MBNL1: variants seen among roughly 807,000 people sequenced by gnomAD.
MBNL1 encodes muscleblind like splicing regulator 1.
A neutral mutation model predicts 42.2 loss-of-function variants in MBNL1; 8 were observed. That is an observed-to-expected ratio of 0.19 (90% CI 0.11 to 0.34). The LOEUF (loss-of-function observed/expected upper bound fraction) is 0.34, where lower values mean the gene tolerates loss of function less well. MBNL1 is among the 10% of genes least tolerant of loss of function. The pLI is 1.00. For synonymous variants in MBNL1, 169 were observed against 173.9 expected (o/e 0.97, Z 0.22); for missense variants, 309 against 495.3 (o/e 0.62, Z 3.57).
At position 152,302,127 on chromosome 3, in the gene MBNL1, A is replaced by G. The variant is rs564441426; in HGVS notation, c.174+1760A>G. ...CAGTCCCTTTTTGAGTAAAGCAGCA[A>G]GGTTGCTTAATGACATGCTATGTGG... On this transcript the variant is annotated intron_variant, in intron 2 of 9. Coordinates refer to ENST00000324210, the MANE Select transcript of MBNL1 (RefSeq NM_021038.5). 2.6e-5 allele frequency: 4 copies of G among 152,320 alleles called. No homozygotes were observed. In the East Asian group the frequency reaches 7.7e-4, roughly 29 times the overall value. The allele number at this position is 152,320 out of a possible 1,614,324, so 9.4% of individuals were successfully genotyped here. A position where few individuals can be genotyped will look rare whatever the true frequency, so the allele number is the denominator to read the frequency against.
At chr3:152,317,106 T>C (rs539781243) in intron 2 of MBNL1, among the ~76,000 whole-genome samples, 1 of 152,110 alleles carries the variant, frequency 6.6e-6, no homozygotes, top group Non-Finnish European at 1.5e-5. Context: ...AAAAAGCTAC[T>C]TGATGGTACC....
At chr3:152,291,648 T>C (rs1019127571) in intron 1 of MBNL1, among the ~76,000 whole-genome samples, 2 of 152,246 alleles carry the variant, frequency 1.3e-5, no homozygotes, top group Non-Finnish European at 2.9e-5. Context: ...GGAGAACTAG[T>C]GTAACCACTG....
intron 1 of MBNL1, among the ~76,000 whole-genome samples, chr3:152,291,512 G>A (rs2151020479): frequency 6.6e-6 from 1 of 152,268 alleles, no homozygotes; most frequent in African/African-American, 2.4e-5. Flanking sequence ...TATAGCTTAA[G>A]CATTGTAATT....
At chr3:152,348,213 A>C (rs1373318477) in intron 2 of MBNL1, among the ~76,000 whole-genome samples, 1 of 152,148 alleles carries the variant, frequency 6.6e-6, no homozygotes, top group Admixed American at 6.6e-5. Context: ...TTATGGAGAA[A>C]AATGTATTTT....
intron 2 of MBNL1, among the ~76,000 whole-genome samples, chr3:152,357,051 T>G (rs995561838): frequency 2.0e-5 from 3 of 152,166 alleles, no homozygotes; most frequent in African/African-American, 7.2e-5. Flanking sequence ...AATGTTGGTC[T>G]TCACTTTACT....
chr3:152,272,852 A>G (rs2042694572), intron 1 of MBNL1, among the ~76,000 whole-genome samples: 1 of 152,240 alleles, frequency 6.6e-6, no homozygotes, highest in South Asian at 2.1e-4. Flanking sequence ...AGATATTTTC[A>G]TAACTGAAGT....
chr3:152,408,347 A>G (rs933853717), intron 2 of MBNL1, among the ~76,000 whole-genome samples: 4 of 152,180 alleles, frequency 2.6e-5, no homozygotes, highest in Non-Finnish European at 4.4e-5. Context: ...AAAGAAAAAA[A>G]TGAATGTAAT....
chr3:152,247,050 A>G (rs956103889), intron 2 of MBNL1, among the ~76,000 whole-genome samples: 7 of 152,176 alleles, frequency 4.6e-5, no homozygotes, highest in Non-Finnish European at 1.0e-4. Flanking sequence ...TTCCAAAAGA[A>G]CATTGAAAGA....
At chr3:152,448,475 T>C (rs920639430) in intron 6 of MBNL1, among the ~76,000 whole-genome samples, 2 of 152,158 alleles carry the variant, frequency 1.3e-5, no homozygotes, top group African/African-American at 4.8e-5. Flanking sequence ...AAATTTACTC[T>C]TTTTATTCAC....
In MBNL1 at chr3:152,288,940, T is replaced by C. The variant is rs1354526454; in HGVS notation, c.-789-10465T>C. On this transcript the variant is annotated intron_variant, in intron 1 of 9. Transcript: ENST00000324210. ...AAATACAAAAACAGGCTTTCATTTC[T>C]ATTTATAGAAAAACAGACATACTTT... Among the ~76,000 whole-genome samples the C allele has an allele frequency of 5.9e-5, 9 of 152,326 alleles. No individual in the cohort carries two copies. The East Asian group carries it at 1.7e-3, about 29-fold the overall frequency.
chr3:152,446,562 G>C (rs2099229463), intron 5 of MBNL1: 2 of 629,736 alleles, frequency 3.2e-6, no homozygotes, highest in Non-Finnish European at 5.7e-6. Context: ...GCATTCCGAT[G>C]ATTTGTTTTT....
chr3:152,391,273 G>A (rs1442389746), intron 2 of MBNL1, among the ~76,000 whole-genome samples: 1 of 152,158 alleles, frequency 6.6e-6, no homozygotes, highest in Non-Finnish European at 1.5e-5. Flanking sequence ...TACACATTAA[G>A]TTGCCCTTTC....
intron 2 of MBNL1, among the ~76,000 whole-genome samples, chr3:152,384,356 G>T (rs558975820): frequency 6.6e-6 from 1 of 152,092 alleles, no homozygotes; most frequent in South Asian, 2.1e-4. Context: ...TGCTGCTTCT[G>T]GGTTTTTGCC....
chr3:152,447,756 C>G lies in MBNL1; in HGVS notation c.944C>G (p.Thr315Arg). ...GCCAACATGCAGTTACAACAGCATA[C>G]AGCATTTCTCCCACCAGGTAAGGGG... ...ALANMQLQQH[T>R]AFLPPGSILC... The change falls in exon 6 of 10, where the codon ACA (threonine) becomes AGA (arginine). Residue 315 changes from threonine to arginine, a missense_variant. Physicochemically the swap from Thr to Arg is moderately conservative, Grantham distance 71. Coordinates refer to ENST00000324210, the MANE Select transcript of MBNL1 (RefSeq NM_021038.5). 2 of 1,613,132 alleles carry G rather than the reference C, an allele frequency of 1.2e-6. No homozygotes were observed. The highest frequency in any genetic ancestry group is 1.7e-6 in the Non-Finnish European group (2 of 1,179,306).
intron 3 of MBNL1, among the ~76,000 whole-genome samples, chr3:152,416,536 A>G (rs2098704965): frequency 6.6e-6 from 1 of 152,212 alleles, no homozygotes; most frequent in African/African-American, 2.4e-5. Context: ...ACAAGTCTTT[A>G]GGGTGGCTAC....
chr3:152,285,964 C>T (rs181126675), intron 1 of MBNL1, among the ~76,000 whole-genome samples: 50 of 151,588 alleles, frequency 3.3e-4, no homozygotes, highest in Admixed American at 1.5e-3. Context: ...AAATGAACAC[C>T]TTGCAGATTT....
intron 2 of MBNL1, among the ~76,000 whole-genome samples, chr3:152,384,825 C>T (rs781245298): frequency 7.9e-5 from 12 of 151,990 alleles, no homozygotes; most frequent in Non-Finnish European, 1.0e-4. Context: ...CTATGCTGTC[C>T]GGAGTTTCTA....
intron 1 of MBNL1, among the ~76,000 whole-genome samples, chr3:152,289,481 G>A (rs2054553077): frequency 6.6e-6 from 1 of 152,050 alleles, no homozygotes; most frequent in Non-Finnish European, 1.5e-5. Context: ...TTGTTTTGTG[G>A]CGTATCTTAG....
At chr3:152,253,730 C>T (rs562982933) in intron 2 of MBNL1, among the ~76,000 whole-genome samples, 196 of 152,218 alleles carry the variant, frequency 1.3e-3, no homozygotes, top group Non-Finnish European at 2.0e-3. Flanking sequence ...CTTCTCTTTT[C>T]CTGGCATGCC....
Sources: gnomAD v4.1 joint callset for allele counts (sites outside exome capture counted in the v4.1 genomes callset) on GRCh38, gnomAD v4.1.1 for gene constraint, MANE v1.5 for transcripts, NCBI Gene and HGNC (gene_info 2026-07-23, HGNC 2026-07-21) for gene names.